The following FKBP11 variants were observed in gnomAD, a reference collection of about 807,000 sequenced individuals.
FKBP11 encodes peptidyl-prolyl cis-trans isomerase FKBP11.
FKBP11 carries 21 observed loss-of-function variants against 24.7 expected under a neutral mutation model. The ratio of observed to expected loss-of-function variants is 0.85; its 90% confidence interval spans 0.60 to 1.23. The LOEUF is 1.23. Among genes scored for constraint, FKBP11 ranks in the 50% most tolerant of loss-of-function variants. FKBP11 has a pLI of 0.00. For missense variants in FKBP11, 245 were observed against 248.7 expected (o/e 0.99, Z 0.10); for synonymous variants, 106 against 100.6 (o/e 1.05, Z -0.32).
In FKBP11 at chr12:48,925,419, G is replaced by A. The variant is rs371849381; in HGVS notation, c.10C>T (p.Arg4Cys). The A allele has an allele frequency of 9.7e-5, 152 of 1,569,488 alleles. 1 individual carries two copies. The South Asian group carries it at 1.7e-3, about 18-fold the overall frequency. MTL[R>C]PSLLPLHLLL... ...AGATGGAGCGGGAGGAGTGAGGGGC[G>A]CAGGGTCATGACTGGGCGCGGGGCA... Residue 4 changes from arginine to cysteine, a missense_variant, in exon 1 of 6, where the codon CGC becomes TGC. Arg to Cys is a radical substitution (Grantham distance 180, BLOSUM62 -3). Coordinates refer to ENST00000550765, the MANE Select transcript of FKBP11 (RefSeq NM_016594.3).
chr12:48,932,872 T>C, the FKBP11 span, among the ~76,000 whole-genome samples: 2 of 152,146 alleles, frequency 1.3e-5, no homozygotes, highest in African/African-American at 2.4e-5. Flanking sequence ...TATGCCTGGT[T>C]TGTGAGGAAG....
chr12:48,933,580 T>C, the FKBP11 span, among the ~76,000 whole-genome samples: 1 of 151,860 alleles, frequency 6.6e-6, no homozygotes, highest in Non-Finnish European at 1.5e-5. Flanking sequence ...CACATACCTG[T>C]AGTCCCAGCT....
chr12:48,924,379 C>T (rs1939904844), intron 3 of FKBP11, 123 bp from the exon 4 acceptor site: 1 of 1,334,656 alleles, frequency 7.5e-7, no homozygotes, highest in Admixed American at 1.9e-5. Flanking sequence ...AAATCTCTGG[C>T]TTCCAATAGG....
At chr12:48,927,297 C>T (rs1182213575), upstream of FKBP11, among the ~76,000 whole-genome samples, 2 of 152,024 alleles carry the variant, frequency 1.3e-5, no homozygotes, top group African/African-American at 2.4e-5. Context: ...ATAGCTACAA[C>T]CCTCCCACCT....
upstream of FKBP11, among the ~76,000 whole-genome samples, chr12:48,926,949 A>G (rs1939981632): frequency 1.3e-5 from 2 of 152,028 alleles, no homozygotes; most frequent in Non-Finnish European, 2.9e-5. Context: ...AGCTGGGATT[A>G]TAGGCACCCA....
upstream of FKBP11, among the ~76,000 whole-genome samples, chr12:48,929,621 G>A (rs1940023003): frequency 6.6e-6 from 1 of 152,164 alleles, no homozygotes; most frequent in Admixed American, 6.5e-5. Context: ...TTGTCATCCA[G>A]CCCTAATCTG....
the FKBP11 span, among the ~76,000 whole-genome samples, chr12:48,932,239 A>T: frequency 2.7e-4 from 9 of 33,046 alleles, no homozygotes; most frequent in South Asian, 1.2e-3. Context: ...ATATATATAT[A>T]TATATATATA....
chr12:48,931,159 G>A (rs199565986), upstream of FKBP11, among the ~76,000 whole-genome samples: 743 of 66,420 alleles, frequency 0.011, 6 homozygotes, highest in African/African-American at 0.035. Context: ...AAAAAAAAAA[G>A]GCTAGTTGTG....
At chr12:48,927,713 CTTCT>C (rs761929447), upstream of FKBP11, among the ~76,000 whole-genome samples, 3 of 152,146 alleles carry the variant, frequency 2.0e-5, no homozygotes, top group Non-Finnish European at 4.4e-5. Flanking sequence ...TCTTTCCTTC[CTTCT>C]GTCTGCTATC....
chr12:48,924,864 A>C, intron 2 of FKBP11, 182 bp downstream of exon 2: 1 of 1,443,070 alleles, frequency 6.9e-7, no homozygotes, highest in Non-Finnish European at 9.1e-7. Flanking sequence ...AACTGGCAGA[A>C]AAGCAAGGAG....
chr12:48,928,003 A>T (rs1225619870), upstream of FKBP11, among the ~76,000 whole-genome samples: 1 of 150,036 alleles, frequency 6.7e-6, no homozygotes, highest in Non-Finnish European at 1.5e-5. Context: ...ACTGGCCGTG[A>T]ACAATTGAGA....
intron 5 of FKBP11, chr12:48,923,294 G>A: frequency 7.1e-7 from 1 of 1,409,256 alleles, no homozygotes; most frequent in Non-Finnish European, 9.2e-7. Context: ...CATCGGCAGT[G>A]ACCAATGATG....
chr12:48,938,833 A>T, the FKBP11 span: 2 of 1,382,590 alleles, frequency 1.4e-6, no homozygotes, highest in South Asian at 2.9e-5. Flanking sequence ...GCATGTGGAC[A>T]TGATACCCAG....
At chr12:48,924,489 G>T in intron 3 of FKBP11, 72 bp downstream of exon 3, 2 of 1,432,356 alleles carry the variant, frequency 1.4e-6, no homozygotes, top group Non-Finnish European at 2.0e-6. Context: ...TTCCAGGGCA[G>T]CTTTGGAGCC....
chr12:48,925,243 A>G, intron 1 of FKBP11, 57 bp downstream of exon 1: 2 of 1,598,750 alleles, frequency 1.3e-6, no homozygotes, highest in Non-Finnish European at 1.7e-6. Flanking sequence ...AGACCCCAGT[A>G]TTACCACCCA....
chr12:48,931,955 T>A, the FKBP11 span: 21 of 152,548 alleles, frequency 1.4e-4, no homozygotes, highest in Non-Finnish European at 2.5e-4. Context: ...GCAATCCTCC[T>A]GCCTCAGCCT....
chr12:48,932,359 C>T, the FKBP11 span, among the ~76,000 whole-genome samples: 4 of 140,176 alleles, frequency 2.9e-5, no homozygotes, highest in South Asian at 4.7e-4. Context: ...GCTATCCTCC[C>T]ACCTAAGCCT....
chr12:48,933,614 T>C, the FKBP11 span, among the ~76,000 whole-genome samples: 8 of 151,734 alleles, frequency 5.3e-5, no homozygotes, highest in South Asian at 8.3e-4. Flanking sequence ...GGCAGGAGAA[T>C]TGCTTGAACC....
At chr12:48,923,759 A>G in intron 5 of FKBP11, 23 bp downstream of exon 5, 1 of 1,610,876 alleles carries the variant, frequency 6.2e-7, no homozygotes, top group Non-Finnish European at 8.5e-7. Context: ...TGATGGCCTG[A>G]GAGAGAGTCC....
Sources: gnomAD v4.1 joint callset for allele counts (sites outside exome capture counted in the v4.1 genomes callset) on GRCh38, gnomAD v4.1.1 for gene constraint, MANE v1.5 for transcripts, NCBI Gene and HGNC (gene_info 2026-07-23, HGNC 2026-07-21) for gene names.